The following FBXL8 variants were observed in gnomAD, a reference collection of about 807,000 sequenced individuals.
FBXL8 encodes F-box/LRR-repeat protein 8.
Under a neutral mutation model 8.2 loss-of-function variants are expected in FBXL8, and 13 were observed. That is an observed-to-expected ratio of 1.58 (90% CI 1.03 to 2.51). The LOEUF is 2.51. Among genes scored for constraint, FBXL8 ranks in the 30% most tolerant of loss-of-function variants. The pLI is 0.00. For synonymous variants in FBXL8, 271 were observed against 260.5 expected (o/e 1.04, Z -0.39); for missense variants, 565 against 540.4 (o/e 1.05, Z -0.45).
At chr16:67,161,324 T>TC (rs1373835774) in intron 1 of FBXL8, 1 of 159,812 alleles carries the variant, frequency 6.3e-6, no homozygotes, top group African/African-American at 2.4e-5. Context: ...GCCCCTGTAG[T>TC]CCCAGCTACT....
chr16:67,161,762 T>G lies in FBXL8; in HGVS notation c.-24T>G, dbSNP rs769025234. On this transcript the variant is annotated 5_prime_UTR_variant, in exon 2 of 3. Coordinates refer to ENST00000258200, the MANE Select transcript of FBXL8 (RefSeq NM_018378.3). ...CGGAGCTATTGGGAGTGGCGGATCC[T>G]CCCACCCCAGCCGGATCTGGGCCAT... 17 of 1,570,572 alleles carry G rather than the reference T, an allele frequency of 1.1e-5. No individual in the cohort carries two copies. The South Asian group carries it at 1.7e-4, about 16-fold the overall frequency.
In FBXL8 at chr16:67,164,033, C is replaced by T. The variant is rs1222156310; in HGVS notation, c.*213C>T. 4.1e-6 allele frequency: 3 copies of T among 733,492 alleles called. No individual in the cohort carries two copies. The African/African-American group carries it at 5.2e-5, about 13-fold the overall frequency. 45.4% of individuals were successfully genotyped at this position (733,492 alleles called of 1,614,324 possible). On this transcript the variant is annotated 3_prime_UTR_variant, in exon 3 of 3. Transcript: ENST00000258200. ...ACCCTCTGCAGACGCCCCACCCGCT[C>T]GGTCCTGGACACACTGCCCCCCTCT...
In FBXL8 at chr16:67,163,498, C is replaced by T. The variant is rs1180841289; in HGVS notation, c.803C>T (p.Thr268Met). 1.3e-6 allele frequency: 2 copies of T among 1,541,696 alleles called. No individual in the cohort carries two copies. Among genetic ancestry groups the T allele is most frequent in the Non-Finnish European group, 1.7e-6 (2 of 1,150,614 alleles). ...LEPALPAESV[T>M]RVLQPAVPVA... Reference sequence around the variant, plus strand: ...CCCGCGCTGCCCGCTGAGAGCGTGACGCGCGTCCTGCAGCCAGCCGTCCCC... The same window carrying T: ...CCCGCGCTGCCCGCTGAGAGCGTGATGCGCGTCCTGCAGCCAGCCGTCCCC... Residue 268 changes from threonine to methionine, a missense_variant, in exon 3 of 3, where the codon ACG becomes ATG. Thr to Met is a moderately conservative substitution (Grantham distance 81). Coordinates refer to ENST00000258200, the MANE Select transcript of FBXL8 (RefSeq NM_018378.3).
chr16:67,162,841 A>AC lies in FBXL8; in HGVS notation c.153-4dup, dbSNP rs371579014. ...CTGAGGCCTTTTCTGCACGGCTCTA[A>AC]CCCAAGTTGCGAATGTGAGCTGGAA... On this transcript the variant is annotated splice_region_variant and splice_polypyrimidine_tract_variant and intron_variant, in intron 2 of 2. Coordinates refer to ENST00000258200, the MANE Select transcript of FBXL8 (RefSeq NM_018378.3). The AC allele has an allele frequency of 7.0e-4, 1,084 of 1,550,852 alleles. 7 individuals carry two copies. The African/African-American group carries it at 0.013, about 18-fold the overall frequency.
rs777905561 is a variant in FBXL8 at position 67,164,038 on chromosome 16, C to T, written c.*218C>T. 2 of 724,226 alleles carry T rather than the reference C, an allele frequency of 2.8e-6. No individual in the cohort carries two copies. Among genetic ancestry groups the T allele is most frequent in the South Asian group, 1.5e-5 (1 of 67,200 alleles). 44.9% of individuals were successfully genotyped at this position (724,226 alleles called of 1,614,324 possible). On this transcript the variant is annotated 3_prime_UTR_variant, in exon 3 of 3. Transcript: ENST00000258200. ...CTGCAGACGCCCCACCCGCTCGGTC[C>T]TGGACACACTGCCCCCCTCTCTTGC... is the stretch of plus-strand genomic sequence containing the variant.
Position 67,162,832 on chromosome 16 carries a change from A to G in FBXL8, c.153-16A>G. The G allele has an allele frequency of 6.5e-7, 1 of 1,550,290 alleles. No individual in the cohort carries two copies. Among genetic ancestry groups the G allele is most frequent in the Non-Finnish European group, 8.7e-7 (1 of 1,146,754 alleles). On this transcript the variant is annotated splice_polypyrimidine_tract_variant and intron_variant, in intron 2 of 2. Coordinates refer to ENST00000258200, the MANE Select transcript of FBXL8 (RefSeq NM_018378.3). ...GGGACTCAGCTGAGGCCTTTTCTGCACGGCTCTAACCCAAGTTGCGAATGT... is the reference window on the plus strand; with the variant it reads ...GGGACTCAGCTGAGGCCTTTTCTGCGCGGCTCTAACCCAAGTTGCGAATGT...
chr16:67,161,646 C>T, intron 1 of FBXL8, 89 bp from the exon 2 acceptor site: 2 of 1,084,884 alleles, frequency 1.8e-6, no homozygotes, highest in East Asian at 2.9e-5. Flanking sequence ...CCCTCAGTTC[C>T]TCAGGCCACA....
chr16:67,160,721 A>C (rs2030869057), intron 1 of FBXL8, among the ~76,000 whole-genome samples: 1 of 152,202 alleles, frequency 6.6e-6, no homozygotes, highest in African/African-American at 2.4e-5. Flanking sequence ...AAAACAAAAC[A>C]AAACAAAAAC....
At chr16:67,162,190 A>C (rs187826684) in intron 2 of FBXL8, 24 of 408,362 alleles carry the variant, frequency 5.9e-5, no homozygotes, top group African/African-American at 4.7e-4. Flanking sequence ...CTAGCCGGGC[A>C]TGGTGGTGGG....
Position 67,164,125 on chromosome 16 carries a change from G to C in FBXL8, c.*305G>C. 1 of 661,898 alleles carries C rather than the reference G, an allele frequency of 1.5e-6. No homozygotes were observed. The highest frequency in any genetic ancestry group is 1.5e-5 in the South Asian group (1 of 65,854). The allele number at this position is 661,898 out of a possible 1,614,324, so 41.0% of individuals were successfully genotyped here. On this transcript the variant is annotated 3_prime_UTR_variant, in exon 3 of 3. Transcript: ENST00000258200. ...CGGCGCAGGGAGAGGGAGGGCACGG[G>C]CGCGGGCCGGGCCTCAAGGGTGAGT...
intron 1 of FBXL8, among the ~76,000 whole-genome samples, chr16:67,160,951 C>G (rs1215424742): frequency 6.6e-6 from 1 of 152,086 alleles, no homozygotes; most frequent in Admixed American, 6.5e-5. Flanking sequence ...GTGGGGCTGT[C>G]TTAGGAAGCA....
In FBXL8 at chr16:67,161,735, G is replaced by C. The variant is rs1464402548; in HGVS notation, c.-51G>C. 1 of 1,518,416 alleles carries C rather than the reference G, an allele frequency of 6.6e-7. No individual in the cohort carries two copies. The highest frequency in any genetic ancestry group is 2.5e-5 in the East Asian group (1 of 40,766). The allele number at this position is 1,518,416 out of a possible 1,614,324, so 94.1% of individuals were successfully genotyped here. On this transcript the variant is annotated splice_region_variant and 5_prime_UTR_variant, in exon 2 of 3. Transcript: ENST00000258200. ...CTCAGAGACGTCCGTCTCTCTCCAG[G>C]CCGGAGCTATTGGGAGTGGCGGATC...
At chr16:67,162,231 A>G in intron 2 of FBXL8, 1 of 392,604 alleles carries the variant, frequency 2.5e-6, no homozygotes. Context: ...CGGGAGGCTG[A>G]GGCACAAGAA....
In FBXL8 at chr16:67,161,803, G is replaced by A. The variant is rs531038156; in HGVS notation, c.18G>A (p.Glu6=). 88 of 1,607,934 alleles carry A rather than the reference G, an allele frequency of 5.5e-5. No homozygotes were observed. In the South Asian group the frequency reaches 8.4e-4, roughly 15 times the overall value. The change falls in exon 2 of 3, where the codon GAG becomes GAA. Residue 6 remains glutamate (E), a synonymous_variant. Transcript: ENST00000258200. ...TCTGGGCCATGGCCGAGCCTGGAGA[G>A]GGACTGCCAGAGGAGGTGCTGGCAC... is the stretch of plus-strand genomic sequence containing the variant. MAEPG[E]GLPEEVLALI...
In FBXL8 at chr16:67,163,014, C is replaced by T. The variant is rs1235934817; in HGVS notation, c.319C>T (p.Arg107Cys). The change falls in exon 3 of 3, where the codon CGC becomes TGC. Residue 107 changes from arginine (R) to cysteine (C), a missense_variant. Transcript: ENST00000258200. ...AGRAPGLRGLRLECRGEKPLF... is the reference protein window; with the variant it reads ...AGRAPGLRGLCLECRGEKPLF... ...CCGTGCCCCGGGGCTGCGAGGCCTG[C>T]GCCTGGAGTGCCGCGGAGAAAAACC... The T allele has an allele frequency of 1.3e-6, 2 of 1,555,164 alleles. No homozygotes were observed. The highest frequency in any genetic ancestry group is 1.7e-6 in the Non-Finnish European group (2 of 1,149,412).
chr16:67,163,834 C>A lies in FBXL8; in HGVS notation c.*14C>A, dbSNP rs1363514744. The A allele has an allele frequency of 1.3e-6, 2 of 1,532,118 alleles. No individual in the cohort carries two copies. The highest frequency in any genetic ancestry group is 2.3e-5 in the East Asian group (1 of 43,714). The allele number at this position is 1,532,118 out of a possible 1,614,324, so 94.9% of individuals were successfully genotyped here. A position where few individuals can be genotyped will look rare whatever the true frequency, so the allele number is the denominator to read the frequency against. Reference sequence around the variant, plus strand: ...CTCGTGGCGTGATTGGGCGACTTCTCTCCCCCGTCCCCGTGGACGTAAGCG... The same window carrying A: ...CTCGTGGCGTGATTGGGCGACTTCTATCCCCCGTCCCCGTGGACGTAAGCG... On this transcript the variant is annotated 3_prime_UTR_variant, in exon 3 of 3. Transcript: ENST00000258200.
At chr16:67,162,301 C>T (rs965533162) in intron 2 of FBXL8, 4 of 437,466 alleles carry the variant, frequency 9.1e-6, no homozygotes, top group African/African-American at 5.9e-5. Context: ...TGCACTCCAG[C>T]TTGGCGACAG....
At chr16:67,160,757 G>A (rs935519902) in intron 1 of FBXL8, among the ~76,000 whole-genome samples, 2 of 152,198 alleles carry the variant, frequency 1.3e-5, no homozygotes. Flanking sequence ...CTTCAAAGAG[G>A]ACGCACACTT....
In FBXL8 at chr16:67,163,720, C is replaced by G. The variant is rs768911631; in HGVS notation, c.1025C>G (p.Ser342Trp). Reference protein sequence around the residue: ...EVHCFCVVSHSVLDAFRAHCP... With the variant: ...EVHCFCVVSHWVLDAFRAHCP... ...CATTGTTTCTGCGTGGTGAGCCACT[C>G]GGTGCTGGACGCCTTCCGCGCGCAC... Residue 342 changes from serine (S) to tryptophan (W), a missense_variant, in exon 3 of 3, where the codon TCG (serine) becomes TGG (tryptophan). Ser to Trp is a radical substitution (Grantham distance 177). Transcript: ENST00000258200. 3.1e-6 allele frequency: 5 copies of G among 1,594,760 alleles called. No individual in the cohort carries two copies. The highest frequency in any genetic ancestry group is 4.2e-6 in the Non-Finnish European group (5 of 1,177,832).
Sources: allele counts gnomAD v4.1 joint callset (sites outside exome capture counted in the v4.1 genomes callset), GRCh38; gene constraint gnomAD v4.1.1; transcripts MANE v1.5; gene names NCBI Gene and HGNC (gene_info 2026-07-23, HGNC 2026-07-21).